Variants in PRDM1 observed in about 807,000 individuals in gnomAD.
PRDM1 encodes the protein PR/SET domain 1.
A neutral mutation model predicts 62.8 loss-of-function variants in PRDM1; 13 were observed. The observed-to-expected ratio is 0.21, with a 90% CI of 0.13 to 0.33. The LOEUF (loss-of-function observed/expected upper bound fraction) is 0.33, where lower values mean the gene tolerates loss of function less well. Among genes scored for constraint, PRDM1 ranks in the 10% least tolerant of loss-of-function variants. PRDM1 has a pLI of 1.00. For synonymous variants in PRDM1, 396 were observed against 417.6 expected (o/e 0.95, Z 0.63); for missense variants, 895 against 1,058.8 (o/e 0.85, Z 2.15).
At chr6:106,062,864 C>A (rs1773366160) in intron 1 of PRDM1, among the ~76,000 whole-genome samples, 1 of 152,098 alleles carries the variant, frequency 6.6e-6, no homozygotes, top group Non-Finnish European at 1.5e-5. Flanking sequence ...ATAATCAGTG[C>A]TGGTTTCTGT....
upstream of PRDM1, chr6:106,045,398 C>G (rs1272545232): frequency 6.6e-6 from 1 of 152,070 alleles, no homozygotes; most frequent in Non-Finnish European, 1.5e-5. Context: ...AGCAAACAGA[C>G]TTTATTTAGT....
chr6:106,055,550 C>G (rs1435658666), intron 1 of PRDM1, among the ~76,000 whole-genome samples: 2 of 152,264 alleles, frequency 1.3e-5, no homozygotes, highest in Admixed American at 6.5e-5. Flanking sequence ...TATGTGTCCC[C>G]TTGAAAAGCC....
At chr6:106,072,902 T>G (rs1387355734) in intron 1 of PRDM1, among the ~76,000 whole-genome samples, 2 of 152,094 alleles carry the variant, frequency 1.3e-5, no homozygotes, top group Admixed American at 6.5e-5. Context: ...TGTGTACAGA[T>G]TTGACTCTGG....
chr6:106,087,941 T>G (rs2114616518), intron 1 of PRDM1: 1 of 278,454 alleles, frequency 3.6e-6, no homozygotes, highest in South Asian at 6.6e-5. Context: ...GTGATTCTTT[T>G]TTTTTTTTTC....
intron 1 of PRDM1, among the ~76,000 whole-genome samples, chr6:106,080,497 G>A (rs1364518654): frequency 2.0e-5 from 3 of 152,130 alleles, no homozygotes; most frequent in South Asian, 2.1e-4. Flanking sequence ...GGTCCAGATG[G>A]GAAGAAAAGA....
chr6:106,006,609 G>A (rs1772486245), intron 1 of PRDM1, among the ~76,000 whole-genome samples: 1 of 151,874 alleles, frequency 6.6e-6, no homozygotes, highest in African/African-American at 2.4e-5. Context: ...ATAAAAAGAG[G>A]GAAGAAAATA....
upstream of PRDM1, among the ~76,000 whole-genome samples, chr6:106,084,795 C>T (rs1562163087): frequency 6.6e-6 from 1 of 152,180 alleles, no homozygotes; most frequent in Non-Finnish European, 1.5e-5. Flanking sequence ...CCCAGCAGAT[C>T]TGCCTTCTAA....
chr6:106,082,803 G>GT (rs1192885493), upstream of PRDM1, among the ~76,000 whole-genome samples: 1 of 152,166 alleles, frequency 6.6e-6, no homozygotes, highest in Non-Finnish European at 1.5e-5. Context: ...TTTGTCAAAA[G>GT]TTTTTGGGAG....
chr6:106,039,233 G>A (rs939466454), intron 1 of PRDM1, among the ~76,000 whole-genome samples: 25 of 152,172 alleles, frequency 1.6e-4, no homozygotes, highest in Non-Finnish European at 5.9e-5. Context: ...CTGCATTGGA[G>A]GAGTGGGGAG....
upstream of PRDM1, among the ~76,000 whole-genome samples, chr6:106,082,987 G>A (rs533767887): frequency 2.6e-5 from 4 of 151,830 alleles, no homozygotes; most frequent in Admixed American, 6.6e-5. Context: ...CTTCTTGTCC[G>A]GCTTTTAAAA....
In PRDM1 at chr6:106,027,783, T is replaced by G. The variant is rs557605506; in HGVS notation, c.-67+34144T>G. 2.0e-5 allele frequency among the ~76,000 whole-genome samples: 3 copies of G among 152,328 alleles called. No individual in the cohort carries two copies. In the East Asian group the frequency reaches 5.8e-4, roughly 29 times the overall value. On this transcript the variant is annotated intron_variant, in intron 1 of 6. Transcript: ENST00000652320. The stretch of plus-strand genomic sequence containing the variant: ...AAATGAGGGGCAAAAACCCTCTGTT[T>G]GGCAGGAGAGAAAAAAATTGTTTTT...
rs766554111 is a variant in PRDM1, at chr6:106,107,169, G to A, written c.2161G>A (p.Glu721Lys). ...AAAPAPGLPLEDLTRINEEIE... is the reference protein window; with the variant it reads ...AAAPAPGLPLKDLTRINEEIE... ...GGCCCCGGCGCCTGGGCTGCCCTTG[G>A]AAGATCTGACCCGAATCAATGAAGA... The change falls in exon 7 of 7, where the codon GAA becomes AAA. Residue 721 changes from glutamate to lysine, a missense_variant. Physicochemically the swap from Glu to Lys is moderately conservative, Grantham distance 56 (BLOSUM62 1). This residue lies in a region of PRDM1 where 164 missense variants were observed against 179.9 expected (regional missense o/e 0.91). Transcript: ENST00000369096. The A allele has an allele frequency of 6.2e-7, 1 of 1,614,204 alleles. No homozygotes were observed. Among genetic ancestry groups the A allele is most frequent in the Non-Finnish European group, 8.5e-7 (1 of 1,180,050 alleles).
rs542212212 is a variant in PRDM1, at chr6:105,999,161, A to G, written c.-67+5522A>G. On this transcript the variant is annotated intron_variant, in intron 1 of 6. Coordinates refer to the PRDM1 transcript ENST00000652320. ...ACTATGTTGCCCAGGTTGGTCTCAA[A>G]CTCCTGGGCTCAAGTGATCCTTTTG... Among the ~76,000 whole-genome samples the G allele has an allele frequency of 4.0e-5, 6 of 151,244 alleles. No individual in the cohort carries two copies. In the South Asian group the frequency reaches 1.3e-3, roughly 32 times the overall value.
chr6:106,050,739 A>C (rs1237159932), intron 1 of PRDM1, among the ~76,000 whole-genome samples: 1 of 152,228 alleles, frequency 6.6e-6, no homozygotes, highest in Non-Finnish European at 1.5e-5. Context: ...TGTAACAGTC[A>C]GTACTTAGGT....
intron 3 of PRDM1, chr6:106,098,121 A>G: frequency 2.4e-6 from 2 of 824,348 alleles, no homozygotes; most frequent in Non-Finnish European, 2.9e-6. Flanking sequence ...TGAGTAAGGA[A>G]AAGCAATAAC....
In PRDM1 at chr6:106,095,982, C is replaced by CT. The variant is rs1176379413; in HGVS notation, c.411+251dup. 3 of 393,410 alleles carry CT rather than the reference C, an allele frequency of 7.6e-6. No homozygotes were observed. The East Asian group carries it at 1.2e-4, about 16-fold the overall frequency. The allele number at this position is 393,410 out of a possible 1,614,324, so 24.4% of individuals were successfully genotyped here. A position where few individuals can be genotyped will look rare whatever the true frequency, so the allele number is the denominator to read the frequency against. On this transcript the variant is annotated intron_variant, in intron 3 of 6. Transcript: ENST00000369096. ...TCTTGATTTTTGCAATTCATTAGAG[C>CT]TTTGTAATGAAAGGAAACAGTTTGT...
chr6:106,098,512 CTG>C, intron 3 of PRDM1: 2 of 1,232,648 alleles, frequency 1.6e-6, no homozygotes, highest in Non-Finnish European at 1.0e-6. Context: ...GCCTATGGCT[CTG>C]TGTGTGGTGT....
chr6:106,038,023 T>TTTTTTTTG (rs1772946396), intron 1 of PRDM1, among the ~76,000 whole-genome samples: 1 of 105,402 alleles, frequency 9.5e-6, no homozygotes, highest in Non-Finnish European at 1.9e-5. Flanking sequence ...TCTTTTTTTT[T>TTTTTTTTG]TTTTTTTTTT....
intron 1 of PRDM1, among the ~76,000 whole-genome samples, chr6:106,025,300 G>A (rs1430067539): frequency 6.6e-6 from 1 of 152,178 alleles, no homozygotes; most frequent in Admixed American, 6.5e-5. Context: ...CCTTTGTGTT[G>A]TTGGATTAGT....
Sources: allele counts gnomAD v4.1 joint callset (sites outside exome capture counted in the v4.1 genomes callset), GRCh38; gene constraint gnomAD v4.1.1; regional missense constraint gnomAD v4.1.1; transcripts MANE v1.5; gene names NCBI Gene and HGNC (gene_info 2026-07-23, HGNC 2026-07-21).